ZNF33B: variants seen among roughly 807,000 people sequenced by gnomAD.
ZNF33B encodes zinc finger protein 33B, also known as zinc finger protein 11b (KOX 2).
In ZNF33B, 29 loss-of-function variants were observed where a neutral mutation model predicts 45.8. The observed-to-expected ratio is 0.63, with a 90% CI of 0.47 to 0.86. The LOEUF (loss-of-function observed/expected upper bound fraction) is 0.86, where lower values mean the gene tolerates loss of function less well. Among genes scored for constraint, ZNF33B ranks in the 40% least tolerant of loss-of-function variants. The pLI is 0.00. For missense variants in ZNF33B, 831 were observed against 909.9 expected, an observed-to-expected ratio of 0.91 and a Z score of 1.12; for synonymous variants, 305 against 307.8, an observed-to-expected ratio of 0.99 and a Z score of 0.10.
chr10:42,628,906 GA>G (rs1403270771), intron 4 of ZNF33B, among the ~76,000 whole-genome samples: 1 of 152,128 alleles, frequency 6.6e-6, no homozygotes, highest in Non-Finnish European at 1.5e-5. Flanking sequence ...GGAAGTTCCT[GA>G]AAAAACTAAA....
chr10:42,598,320 G>C (rs1434042113), intron 4 of ZNF33B, among the ~76,000 whole-genome samples: 1 of 152,208 alleles, frequency 6.6e-6, no homozygotes, highest in African/African-American at 2.4e-5. Flanking sequence ...CAGACTTAGG[G>C]GAGAGACAAA....
downstream of ZNF33B, among the ~76,000 whole-genome samples, chr10:42,586,025 A>G (rs553332444): frequency 1.3e-5 from 2 of 152,334 alleles, no homozygotes; most frequent in Non-Finnish European, 2.9e-5. Flanking sequence ...TTGAATCTGC[A>G]GATGCCAGTC....
intron 4 of ZNF33B, among the ~76,000 whole-genome samples, chr10:42,613,237 G>C (rs1396639876): frequency 1.3e-5 from 2 of 152,126 alleles, no homozygotes; most frequent in Admixed American, 6.6e-5. Context: ...CATGTATACA[G>C]GGAAAGAATA....
rs145797626 is a variant in ZNF33B, at chr10:42,624,105, G to A, written c.250+7824C>T. Among the ~76,000 whole-genome samples the A allele has an allele frequency of 9.9e-4, 150 of 152,246 alleles. 1 individual carries two copies. The Middle Eastern group carries it at 0.024, about 24-fold the overall frequency. On this transcript the variant is annotated intron_variant, in intron 4 of 4. Transcript: ENST00000359467. ...CAGTTGGCCACTGCATGTTCACATC[G>A]CCTTTCCTCTACGCACATGGAGAGT...
At chr10:42,588,352 G>A (rs933595551), downstream of ZNF33B, among the ~76,000 whole-genome samples, 1 of 152,246 alleles carries the variant, frequency 6.6e-6, no homozygotes, top group Non-Finnish European at 1.5e-5. Context: ...AAACCTGCCA[G>A]CAACTGGTGG....
intron 4 of ZNF33B, among the ~76,000 whole-genome samples, chr10:42,611,294 T>A (rs1838087019): frequency 6.6e-6 from 1 of 151,770 alleles, no homozygotes; most frequent in Non-Finnish European, 1.5e-5. Flanking sequence ...TGAGCCAAGA[T>A]CATGCCACTG....
At chr10:42,603,519 A>T (rs1307302411) in intron 4 of ZNF33B, among the ~76,000 whole-genome samples, 1 of 152,004 alleles carries the variant, frequency 6.6e-6, no homozygotes, top group African/African-American at 2.4e-5. Flanking sequence ...CACTCATACA[A>T]ATACATACAC....
At chr10:42,586,558 A>T (rs879352078), downstream of ZNF33B, among the ~76,000 whole-genome samples, 5 of 152,188 alleles carry the variant, frequency 3.3e-5, no homozygotes, top group Non-Finnish European at 7.4e-5. Context: ...CAACCTTCAG[A>T]TTAACTATTA....
rs912770445 is a variant in ZNF33B, at chr10:42,590,765, A to C, written c.*1848T>G. The C allele has an allele frequency of 6.6e-6, 1 of 152,182 alleles. No individual in the cohort carries two copies. The allele number at this position is 152,182 out of a possible 1,614,324, so 9.4% of individuals were successfully genotyped here. A position where few individuals can be genotyped will look rare whatever the true frequency, so the allele number is the denominator to read the frequency against. On this transcript the variant is annotated 3_prime_UTR_variant, in exon 5 of 5. Coordinates refer to ENST00000359467, the MANE Select transcript of ZNF33B (RefSeq NM_006955.3). ...TAATCCTTTTGGTGACCATAGGATC[A>C]GCTATGATGGCCTCTTTCACTTTTG...
chr10:42,619,978 G>A (rs1287779082), intron 4 of ZNF33B, among the ~76,000 whole-genome samples: 7 of 152,144 alleles, frequency 4.6e-5, no homozygotes, highest in African/African-American at 1.7e-4. Context: ...CACTTTGGGA[G>A]GCCGAAATGG....
At chr10:42,581,687 T>C (rs1836827616) in intron 1 of ZNF33B, 1 of 152,126 alleles carries the variant, frequency 6.6e-6, no homozygotes, top group Non-Finnish European at 1.5e-5. Context: ...AGTGACATAT[T>C]GAGAGAATAG....
At chr10:42,633,687 G>A (rs191661480) in intron 2 of ZNF33B, among the ~76,000 whole-genome samples, 1 of 152,298 alleles carries the variant, frequency 6.6e-6, no homozygotes, top group East Asian at 1.9e-4. Flanking sequence ...TGAAGCACAG[G>A]CTGGGTGCAG....
intron 4 of ZNF33B, among the ~76,000 whole-genome samples, chr10:42,622,414 A>G (rs1838629578): frequency 6.6e-6 from 1 of 152,232 alleles, no homozygotes; most frequent in Admixed American, 6.5e-5. Flanking sequence ...CAGAGGACTC[A>G]AAACGTCCAA....
chr10:42,599,856 A>G (rs1189857742), intron 4 of ZNF33B, among the ~76,000 whole-genome samples: 2 of 152,128 alleles, frequency 1.3e-5, no homozygotes, highest in Non-Finnish European at 2.9e-5. Flanking sequence ...TGAATTTCCT[A>G]TATGTAAATT....
At chr10:42,599,561 A>G (rs1026588010) in intron 4 of ZNF33B, among the ~76,000 whole-genome samples, 8 of 151,842 alleles carry the variant, frequency 5.3e-5, no homozygotes, top group African/African-American at 1.7e-4. Context: ...TATTACACAT[A>G]ATACATTATA....
chr10:42,626,502 A>G (rs1030972452), intron 4 of ZNF33B, among the ~76,000 whole-genome samples: 2 of 152,158 alleles, frequency 1.3e-5, no homozygotes, highest in African/African-American at 4.8e-5. Flanking sequence ...AGCCTGGCCA[A>G]TAAGGTGAAA....
At chr10:42,584,477 C>G (rs1054850020), downstream of ZNF33B, among the ~76,000 whole-genome samples, 6 of 151,714 alleles carry the variant, frequency 4.0e-5, no homozygotes, top group African/African-American at 1.5e-4. Flanking sequence ...GACACACCTG[C>G]AGCAGCCTAG....
chr10:42,620,903 A>G (rs1838549177), intron 4 of ZNF33B, among the ~76,000 whole-genome samples: 1 of 152,194 alleles, frequency 6.6e-6, no homozygotes, highest in African/African-American at 2.4e-5. Flanking sequence ...AGGATACTAT[A>G]TATGAATAAA....
At chr10:42,595,425 A>C (rs1356501692) in intron 4 of ZNF33B, among the ~76,000 whole-genome samples, 1 of 152,170 alleles carries the variant, frequency 6.6e-6, no homozygotes, top group Non-Finnish European at 1.5e-5. Context: ...AAGAGGACAG[A>C]GTAATCACAG....
Sources: allele counts gnomAD v4.1 joint callset (sites outside exome capture counted in the v4.1 genomes callset), GRCh38; gene constraint gnomAD v4.1.1; transcripts MANE v1.5; gene names NCBI Gene and HGNC (gene_info 2026-07-23, HGNC 2026-07-21).